PBX1: variants seen among roughly 807,000 people sequenced by gnomAD.
The protein encoded by PBX1 is pre-B-cell leukemia transcription factor 1.
A neutral mutation model predicts 53.4 loss-of-function variants in PBX1; 6 were observed. The ratio of observed to expected loss-of-function variants is 0.11; its 90% confidence interval spans 0.06 to 0.22. The LOEUF is 0.22. Ranked by LOEUF, PBX1 falls within the 10% of genes least tolerant of loss-of-function variation. The pLI is 1.00. For synonymous variants in PBX1, 204 were observed against 212.3 expected (o/e 0.96, Z 0.34); for missense variants, 251 against 551.4 (o/e 0.46, Z 5.46).
chr1:164,744,356 A>G (rs911267723), intron 2 of PBX1, among the ~76,000 whole-genome samples: 2 of 152,232 alleles, frequency 1.3e-5, no homozygotes, highest in African/African-American at 4.8e-5. Context: ...AATTTCTCAT[A>G]CTTACTACCA....
At chr1:164,670,872 G>GC (rs1189962459) in intron 2 of PBX1, among the ~76,000 whole-genome samples, 2 of 152,172 alleles carry the variant, frequency 1.3e-5, no homozygotes, top group African/African-American at 4.8e-5. Flanking sequence ...GTGTCCCTGC[G>GC]CCCGTGTGCA....
Position 164,693,566 on chromosome 1 carries a change from A to G in PBX1, c.266-98928A>G, listed in dbSNP as rs962454752. Among the ~76,000 whole-genome samples the G allele has an allele frequency of 1.1e-4, 16 of 151,912 alleles. 1 individual carries two copies. The highest frequency in any genetic ancestry group is 3.6e-4 in the African/African-American group (15 of 41,438). On this transcript the variant is annotated intron_variant, in intron 2 of 8. Transcript: ENST00000420696. ...CCTACCACACCTGACACTCCCCACC[A>G]TTTTCCATCGGCAGGGGAGCTACCT...
intron 2 of PBX1, among the ~76,000 whole-genome samples, chr1:164,604,371 T>A (rs1054462339): frequency 6.6e-6 from 1 of 152,220 alleles, no homozygotes; most frequent in Non-Finnish European, 1.5e-5. Context: ...TTCATCATTA[T>A]TGCACAGTGT....
intron 8 of PBX1, among the ~76,000 whole-genome samples, chr1:164,824,779 A>C (rs1005577762): frequency 6.6e-6 from 1 of 152,156 alleles, no homozygotes; most frequent in Admixed American, 6.5e-5. Context: ...TAATGGAGGG[A>C]GATTACTCCA....
intron 2 of PBX1, among the ~76,000 whole-genome samples, chr1:164,673,385 C>T (rs1661218497): frequency 6.6e-6 from 1 of 151,852 alleles, no homozygotes; most frequent in African/African-American, 2.4e-5. Context: ...CTAGTGAGTC[C>T]AAGCTTCAGG....
Position 164,743,618 on chromosome 1 carries a change from A to C in PBX1, c.266-48876A>C, listed in dbSNP as rs142499113. ...AGCTTACTAACACTGTATCAGTTAAAGTTAAGTCTCTCAGCCAAGCACATT... is the reference window on the plus strand; with the variant it reads ...AGCTTACTAACACTGTATCAGTTAACGTTAAGTCTCTCAGCCAAGCACATT... On this transcript the variant is annotated intron_variant, in intron 2 of 8. Coordinates refer to ENST00000420696, the MANE Select transcript of PBX1 (RefSeq NM_002585.4). 1.0e-3 allele frequency among the ~76,000 whole-genome samples: 158 copies of C among 152,324 alleles called. 2 individuals are homozygous for C. The highest frequency in any genetic ancestry group is 2.8e-3 in the African/African-American group (117 of 41,578).
At chr1:164,798,550 C>G (rs1238368142) in intron 3 of PBX1, among the ~76,000 whole-genome samples, 1 of 152,312 alleles carries the variant, frequency 6.6e-6, no homozygotes, top group East Asian at 1.9e-4. Flanking sequence ...AGGCCCTGGC[C>G]TAAAATAGGA....
intron 6 of PBX1, chr1:164,818,591 T>C (rs1669988118): frequency 1.3e-5 from 2 of 152,042 alleles, no homozygotes; most frequent in South Asian, 4.2e-4. Flanking sequence ...TAGGTTTTTT[T>C]TGCATGCAAA....
intron 2 of PBX1, among the ~76,000 whole-genome samples, chr1:164,581,462 G>C (rs566289061): frequency 6.6e-6 from 1 of 152,214 alleles, no homozygotes; most frequent in East Asian, 1.9e-4. Flanking sequence ...TCCTGACCTT[G>C]TGATCCGCCT....
chr1:164,604,014 C>T (rs1393120199), intron 2 of PBX1, among the ~76,000 whole-genome samples: 2 of 140,946 alleles, frequency 1.4e-5, no homozygotes, highest in Non-Finnish European at 1.5e-5. Flanking sequence ...GATCACGGCT[C>T]ACTGCAGCCT....
rs115377742 is a variant in PBX1 at position 164,625,316 on chromosome 1, G to T, written c.265+62005G>T. ...AAGAAAGTTAGTGTTTTATGAATTA[G>T]TCCTCTACTCTTGAAGTAGTATAGC... On this transcript the variant is annotated intron_variant, in intron 2 of 8. Transcript: ENST00000420696. Among the ~76,000 whole-genome samples, 424 of 152,278 alleles carry T rather than the reference G, an allele frequency of 2.8e-3. 2 individuals carry two copies. The highest frequency in any genetic ancestry group is 4.4e-3 in the Non-Finnish European group (297 of 68,022).
At chr1:164,815,669 G>C (rs1035148975) in intron 6 of PBX1, 1 of 152,202 alleles carries the variant, frequency 6.6e-6, no homozygotes, top group Non-Finnish European at 1.5e-5. Context: ...AAGAAGTGCC[G>C]AGTGAAGTGG....
chr1:164,799,643 G>T, intron 3 of PBX1, 56 bp from the exon 4 acceptor site: 1 of 1,527,396 alleles, frequency 6.5e-7, no homozygotes, highest in South Asian at 1.2e-5. Context: ...TCATAGACTT[G>T]ATGCGTGTTG....
intron 2 of PBX1, among the ~76,000 whole-genome samples, chr1:164,582,362 T>C (rs1654669519): frequency 2.0e-5 from 3 of 152,096 alleles, no homozygotes; most frequent in African/African-American, 4.8e-5. Context: ...TAATCAGTTA[T>C]TTAAGGAGAA....
chr1:164,621,210 A>C (rs1657655455), intron 2 of PBX1, among the ~76,000 whole-genome samples: 1 of 148,422 alleles, frequency 6.7e-6, no homozygotes, highest in African/African-American at 2.5e-5. Flanking sequence ...GATGGTCTCG[A>C]TCTCTTGACC....
chr1:164,669,222 A>G (rs987439105), intron 2 of PBX1, among the ~76,000 whole-genome samples: 64 of 152,150 alleles, frequency 4.2e-4, no homozygotes, highest in African/African-American at 1.5e-3. Flanking sequence ...GGATGCTATT[A>G]GGCTATGATT....
intron 2 of PBX1, among the ~76,000 whole-genome samples, chr1:164,613,212 TC>T (rs1436830448): frequency 2.6e-5 from 4 of 152,216 alleles, no homozygotes; most frequent in Admixed American, 2.0e-4. Flanking sequence ...AGCCTTATGT[TC>T]CAATTTGTGA....
At chr1:164,696,776 C>T (rs1662821130) in intron 2 of PBX1, among the ~76,000 whole-genome samples, 1 of 152,168 alleles carries the variant, frequency 6.6e-6, no homozygotes, top group Non-Finnish European at 1.5e-5. Context: ...CTCTGACTTT[C>T]ATAGGATAGC....
chr1:164,792,388 G>T, intron 2 of PBX1, 106 bp from the exon 3 acceptor site: 1 of 1,510,970 alleles, frequency 6.6e-7, no homozygotes, highest in Non-Finnish European at 8.9e-7. Flanking sequence ...ATGGCATCTT[G>T]CAAGTAACTT....
Sources: allele counts gnomAD v4.1 joint callset (sites outside exome capture counted in the v4.1 genomes callset), GRCh38; gene constraint gnomAD v4.1.1; transcripts MANE v1.5; gene names NCBI Gene and HGNC (gene_info 2026-07-23, HGNC 2026-07-21).